The following KMT2B variants were observed in gnomAD, a reference collection of about 807,000 sequenced individuals.
KMT2B encodes histone-lysine N-methyltransferase 2B.
In KMT2B, 22 loss-of-function variants were observed where a neutral mutation model predicts 255.3. The observed-to-expected ratio is 0.09, with a 90% CI of 0.06 to 0.12. The LOEUF is 0.12. KMT2B is among the 10% of genes least tolerant of loss of function. KMT2B has a pLI of 1.00. For synonymous variants in KMT2B, 1,730 were observed against 1,498.1 expected (o/e 1.15, Z -3.57); for missense variants, 3,149 against 3,737.0 (o/e 0.84, Z 4.10).
Position 35,719,793 on chromosome 19 carries a change from C to T in KMT2B, c.446C>T (p.Pro149Leu). The T allele has an allele frequency of 6.3e-7, 1 of 1,595,114 alleles. No individual in the cohort carries two copies. The highest frequency in any genetic ancestry group is 8.5e-7 in the Non-Finnish European group (1 of 1,171,242). Residue 149 changes from proline to leucine, a missense_variant, in exon 3 of 37, where the codon CCC becomes CTC. By Grantham distance (98) the Pro-to-Leu change is moderately conservative (BLOSUM62 -3). This residue lies in a region of KMT2B where 1,188 missense variants were observed against 1,106.4 expected (regional missense o/e 1.07). Coordinates refer to ENST00000420124, the MANE Select transcript of KMT2B (RefSeq NM_014727.3). ...ACTATTCTCCTTTTAGGTCGAGCGC[C>T]CCGAGGTCGGGGTCGCAAGCATAAG... ...SALRSQRGRA[P>L]RGRGRKHKTT...
At chr19:35,734,885 G>T (rs1969858890) in intron 30 of KMT2B, among the ~76,000 whole-genome samples, 1 of 152,214 alleles carries the variant, frequency 6.6e-6, no homozygotes. Context: ...GAAGCAGAGT[G>T]ACGTGGATTG....
chr19:35,729,920 C>T, intron 22 of KMT2B, 47 bp from the exon 23 acceptor site: 1 of 1,574,442 alleles, frequency 6.4e-7, no homozygotes, highest in Non-Finnish European at 8.6e-7. Flanking sequence ...TGCCTGGCGC[C>T]CAGCCCCAGC....
chr19:35,722,572 C>G lies in KMT2B; in HGVS notation c.2576C>G (p.Pro859Arg). The G allele has an allele frequency of 6.2e-7, 1 of 1,604,634 alleles. No homozygotes were observed. Among genetic ancestry groups the G allele is most frequent in the South Asian group, 1.1e-5 (1 of 90,218 alleles). ...VEAKRERPSG[P>R]ESPVQGPRIK... ...ACACTCCGATTTCTCCCCCAGGGTC[C>G]CGAGTCCCCTGTGCAAGGTCCCCGC... Residue 859 changes from proline (P) to arginine (R), a missense_variant, in exon 5 of 37, where the codon CCC becomes CGC. By Grantham distance (103) the Pro-to-Arg change is moderately radical (BLOSUM62 -2). Transcript: ENST00000420124.
Position 35,723,230 on chromosome 19 carries a change from C to T in KMT2B, c.2958C>T (p.Asp986=). 6.2e-7 allele frequency: 1 copy of T among 1,613,334 alleles called. No homozygotes were observed. Among genetic ancestry groups the T allele is most frequent in the Non-Finnish European group, 8.5e-7 (1 of 1,179,860 alleles). ...GTGGGTCCTGTGTCAACTGCCTAGA[C>T]AAGCCCAAGTTTGGGGGCCCTAACA... ...QDCGSCVNCL[D]KPKFGGPNTK... The change falls in exon 6 of 37, where the codon GAC becomes GAT. Residue 986 remains aspartate (D), a synonymous_variant. Transcript: ENST00000420124. This position sits in a 1 kb window ranked among gnomAD's most constrained non-coding sequence, Gnocchi z 7.5.
chr19:35,736,464 AC>A, intron 30 of KMT2B: 1 of 564,694 alleles, frequency 1.8e-6, no homozygotes, highest in Non-Finnish European at 3.1e-6. Context: ...ATGCTTTTGT[AC>A]CCAAGAAGTC....
Position 35,733,919 on chromosome 19 carries a change from G to T in KMT2B, c.7159+47G>T, listed in dbSNP as rs1456876744. 3.6e-6 allele frequency: 5 copies of T among 1,386,748 alleles called. No homozygotes were observed. The highest frequency in any genetic ancestry group is 5.1e-6 in the Non-Finnish European group (5 of 984,888). 85.9% of individuals were successfully genotyped at this position (1,386,748 alleles called of 1,614,324 possible). A position where few individuals can be genotyped will look rare whatever the true frequency, so the allele number is the denominator to read the frequency against. On this transcript the variant is annotated intron_variant, in intron 30 of 36. Transcript: ENST00000420124. The surrounding 1 kb of genome is among the most constrained non-coding windows in gnomAD (Gnocchi z 4.3). Reference sequence around the variant, plus strand: ...TCCCTCCTTGCCTGTGCCTGGCTCAGCTGGGTGACTCACAGATGCAAAATC... The same window carrying T: ...TCCCTCCTTGCCTGTGCCTGGCTCATCTGGGTGACTCACAGATGCAAAATC...
At chr19:35,724,797 C>T (rs1369215993) in intron 9 of KMT2B, 66 bp downstream of exon 9, 2 of 1,394,508 alleles carry the variant, frequency 1.4e-6, no homozygotes, top group South Asian at 2.5e-5. Context: ...GAGTGACAGA[C>T]ACACCTGAGT....
At chr19:35,719,652 T>C (rs868125578) in intron 2 of KMT2B, 111 bp downstream of exon 2, 14 of 1,511,268 alleles carry the variant, frequency 9.3e-6, no homozygotes, top group African/African-American at 2.8e-5. Context: ...ATGTGTTCTG[T>C]GTTCAGAGTC....
At chr19:35,736,539 TA>T (rs1969923767) in intron 30 of KMT2B, 150 bp from the exon 31 acceptor site, 1 of 867,112 alleles carries the variant, frequency 1.2e-6, no homozygotes, top group African/African-American at 1.7e-5. Flanking sequence ...GCTCACTGGG[TA>T]ACTGGAGCAG....
In KMT2B at chr19:35,723,378, T is replaced by C. The variant is rs957761415; in HGVS notation, c.3003-69T>C. 2.0e-6 allele frequency: 3 copies of C among 1,538,286 alleles called. No individual in the cohort carries two copies. Among genetic ancestry groups the C allele is most frequent in the Non-Finnish European group, 2.6e-6 (3 of 1,136,570 alleles). ...CAGAGCAGTGGGGTTGGCATTCTTG[T>C]GGAGAGCTTCCTCTCTTCCCCCAGA... On this transcript the variant is annotated intron_variant, in intron 6 of 36. Transcript: ENST00000420124. This position sits in a 1 kb window ranked among gnomAD's most constrained non-coding sequence, Gnocchi z 7.5.
In KMT2B at chr19:35,725,530, G is replaced by A. The variant is rs551956665; in HGVS notation, c.3694G>A (p.Glu1232Lys). 6.2e-7 allele frequency: 1 copy of A among 1,611,296 alleles called. No homozygotes were observed. Among genetic ancestry groups the A allele is most frequent in the South Asian group, 1.1e-5 (1 of 91,090 alleles). The change falls in exon 12 of 37, where the codon GAG becomes AAG. Residue 1232 changes from glutamate to lysine, a missense_variant. Around this residue, in one of 18 missense-constraint regions of KMT2B, gnomAD observed 42 missense variants for 121.0 expected, o/e 0.35. Transcript: ENST00000420124. This position sits in a 1 kb window ranked among gnomAD's most constrained non-coding sequence, Gnocchi z 4.1. Reference protein sequence around the residue: ...CDPFHPFCLEEAERPLPQHHD... With the variant: ...CDPFHPFCLEKAERPLPQHHD... ...CCCATTCCACCCATTCTGCCTGGAG[G>A]AGGCCGAGCGGCCCCTGCCCCAGCA...
rs1969034346 is a variant in KMT2B at position 35,718,295 on chromosome 19, C to G, written c.277C>G (p.Arg93Gly). The change falls in exon 1 of 37, where the codon CGG (arginine) becomes GGG (glycine). Residue 93 changes from arginine (R) to glycine (G), a missense_variant. Physicochemically the swap from Arg to Gly is moderately radical, Grantham distance 125. Around this residue, in one of 18 missense-constraint regions of KMT2B, gnomAD observed 1,188 missense variants for 1,106.4 expected, o/e 1.07. Coordinates refer to ENST00000420124, the MANE Select transcript of KMT2B (RefSeq NM_014727.3). The surrounding 1 kb of genome is among the most constrained non-coding windows in gnomAD (Gnocchi z 5.0). The part of the protein sequence containing the change: ...LWAGPRVQRG[R>G]GRGRGRGWGP... The stretch of plus-strand genomic sequence containing the variant: ...GGCCGGCCCGCGGGTCCAGCGGGGC[C>G]GGGGACGGGGTCGGGGCCGGGGCTG... The G allele has an allele frequency of 1.6e-6, 2 of 1,229,006 alleles. No homozygotes were observed. The highest frequency in any genetic ancestry group is 2.0e-6 in the Non-Finnish European group (2 of 977,396). 76.1% of individuals were successfully genotyped at this position (1,229,006 alleles called of 1,614,324 possible).
chr19:35,728,066 G>A, intron 18 of KMT2B, 32 bp from the exon 19 acceptor site: 1 of 1,575,644 alleles, frequency 6.3e-7, no homozygotes, highest in East Asian at 2.3e-5. Flanking sequence ...TGGGGAAGCT[G>A]GCTCTTCTCA....
chr19:35,722,926 A>G, intron 5 of KMT2B, 69 bp from the exon 6 acceptor site: 1 of 1,462,192 alleles, frequency 6.8e-7, no homozygotes, highest in South Asian at 1.4e-5. Context: ...GTTGTGGGAA[A>G]GCAGGGAAGT....
In KMT2B at chr19:35,732,471, C is replaced by A; in HGVS notation, c.5922C>A (p.Gly1974=). ...CTCCACCACCCCCTGAAGACCTGGG[C>A]CCAGACTTCGAGGACATGGAGGTGG... The part of the protein sequence containing the change: ...APSPPPPEDL[G]PDFEDMEVVS... The change falls in exon 28 of 37, where the codon GGC becomes GGA. Residue 1974 remains glycine, a synonymous_variant. Coordinates refer to ENST00000420124, the MANE Select transcript of KMT2B (RefSeq NM_014727.3). The A allele has an allele frequency of 6.2e-7, 1 of 1,613,906 alleles. No homozygotes were observed. Among genetic ancestry groups the A allele is most frequent in the Non-Finnish European group, 8.5e-7 (1 of 1,179,848 alleles).
chr19:35,719,436 GT>G (rs1227052498), intron 1 of KMT2B, 32 bp from the exon 2 acceptor site: 1 of 1,518,992 alleles, frequency 6.6e-7, no homozygotes, highest in Non-Finnish European at 9.0e-7. Context: ...ACTGACTGCT[GT>G]TTCTCCCCTC....
Position 35,721,266 on chromosome 19 carries a change from C to T in KMT2B, c.1919C>T (p.Ser640Phe). 6.5e-7 allele frequency: 1 copy of T among 1,537,260 alleles called. No individual in the cohort carries two copies. The highest frequency in any genetic ancestry group is 1.2e-5 in the South Asian group (1 of 83,746). The change falls in exon 3 of 37, where the codon TCC becomes TTC. Residue 640 changes from serine (S) to phenylalanine (F), a missense_variant. This residue lies in a region of KMT2B where 1,188 missense variants were observed against 1,106.4 expected (regional missense o/e 1.07). Transcript: ENST00000420124. ...APSPPPAPAT[S>F]SRRPLLLRAP... is the part of the protein sequence containing the mutation. ...TCCCCACCCCCTGCTCCTGCCACCT[C>T]CTCCCGGAGGCCCCTACTCCTTCGG...
rs565609575 is a variant in KMT2B, at chr19:35,722,708, C to T, written c.2712C>T (p.Leu904=). The T allele has an allele frequency of 2.9e-5, 46 of 1,599,562 alleles. No homozygotes were observed. Among genetic ancestry groups the T allele is most frequent in the Middle Eastern group, 1.7e-4 (1 of 5,958 alleles). ...SALPLRDRQD[L]ATEDTSSASE... is the part of the protein sequence containing the mutation. ...TCCCTCTCCGGGATCGGCAGGACCTCGCCACAGAGGGTAGGTGGGGAGACT... is the reference window on the plus strand; with the variant it reads ...TCCCTCTCCGGGATCGGCAGGACCTTGCCACAGAGGGTAGGTGGGGAGACT... Residue 904 remains leucine (L), a synonymous_variant, in exon 5 of 37, where the codon CTC becomes CTT. Coordinates refer to ENST00000420124, the MANE Select transcript of KMT2B (RefSeq NM_014727.3).
At position 35,723,713 on chromosome 19, in the gene KMT2B, A is replaced by G. The variant is rs769203003; in HGVS notation, c.3059-19A>G. 9.9e-6 allele frequency: 15 copies of G among 1,516,636 alleles called. No homozygotes were observed. The Admixed American group carries it at 1.3e-4, about 13-fold the overall frequency. The allele number at this position is 1,516,636 out of a possible 1,614,324, so 93.9% of individuals were successfully genotyped here. A position where few individuals can be genotyped will look rare whatever the true frequency, so the allele number is the denominator to read the frequency against. ...TCCCTGGCTGAGCTCAAATCCTACT[A>G]AGTCCCCTGTTCCCGCAGGCCGGAC... On this transcript the variant is annotated intron_variant, in intron 7 of 36. Transcript: ENST00000420124. The surrounding 1 kb of genome is among the most constrained non-coding windows in gnomAD (Gnocchi z 7.5).
Sources: gnomAD v4.1 joint callset for allele counts (sites outside exome capture counted in the v4.1 genomes callset) on GRCh38, gnomAD v4.1.1 for gene constraint, gnomAD v4.1.1 regional missense constraint, Gnocchi (gnomAD v3.1) non-coding constraint, MANE v1.5 for transcripts, NCBI Gene and HGNC (gene_info 2026-07-23, HGNC 2026-07-21) for gene names.